Variants in RPAP1 observed in about 807,000 individuals in gnomAD.
RPAP1 encodes the protein RNA polymerase II associated protein 1, also known as RNA polymerase II-associated protein 1.
A neutral mutation model predicts 142.4 loss-of-function variants in RPAP1; 109 were observed. That is an observed-to-expected ratio of 0.77 (90% CI 0.66 to 0.90). RPAP1 has a LOEUF of 0.90. Among genes scored for constraint, RPAP1 ranks in the 40% least tolerant of loss-of-function variants. RPAP1 has a pLI of 0.00. For missense variants in RPAP1, 1,546 were observed against 1,751.7 expected (o/e 0.88, Z 2.10); for synonymous variants, 704 against 738.9 (o/e 0.95, Z 0.77).
At position 41,527,938 on chromosome 15, in the gene RPAP1, G is replaced by A. The variant is rs761643323; in HGVS notation, c.1350C>T (p.Ser450=). ...TGACCCCATCCACTCTGTCATCCAA[G>A]GAGAAGCGCAGTAGGAAGAGGAAAC... ...DAGFLFLLRF[S]LDDRVDGVIA... The change falls in exon 11 of 25, where the codon TCC becomes TCT. Residue 450 remains serine (S), a synonymous_variant. Coordinates refer to ENST00000304330, the MANE Select transcript of RPAP1 (RefSeq NM_015540.4). 1 of 1,614,118 alleles carries A rather than the reference G, an allele frequency of 6.2e-7. No individual in the cohort carries two copies. Among genetic ancestry groups the A allele is most frequent in the East Asian group, 2.2e-5 (1 of 44,874 alleles).
rs757866922 is a variant in RPAP1 at position 41,524,088 on chromosome 15, T to C, written c.2234+8A>G. ...CCACCTGTCCTGTGGGTCCTGGCTA[T>C]AAACTACCTGATGGTTTCAGCAGGG... is the stretch of plus-strand genomic sequence containing the variant. On this transcript the variant is annotated splice_region_variant and intron_variant, in intron 16 of 24. Coordinates refer to ENST00000304330, the MANE Select transcript of RPAP1 (RefSeq NM_015540.4). The C allele has an allele frequency of 6.3e-7, 1 of 1,589,986 alleles. No individual in the cohort carries two copies. The highest frequency in any genetic ancestry group is 1.1e-5 in the South Asian group (1 of 87,580).
At position 41,523,824 on chromosome 15, in the gene RPAP1, G is replaced by A. The variant is rs1164948651; in HGVS notation, c.2383C>T (p.Pro795Ser). The part of the protein sequence containing the change: ...PEMWRAVGPV[P>S]VACLLFLGAY... ...CCCAGGAACAACAGGCAGGCAACGGGCACTGGGCCCACGGCTCTCCACATC... is the reference window on the plus strand; with the variant it reads ...CCCAGGAACAACAGGCAGGCAACGGACACTGGGCCCACGGCTCTCCACATC... The change falls in exon 17 of 25, where the codon CCC becomes TCC. Residue 795 changes from proline to serine, a missense_variant. Pro to Ser is a moderately conservative substitution (Grantham distance 74). Transcript: ENST00000304330. 5 of 1,609,524 alleles carry A rather than the reference G, an allele frequency of 3.1e-6. No individual in the cohort carries two copies. The highest frequency in any genetic ancestry group is 2.2e-5 in the South Asian group (2 of 90,024).
chr15:41,520,777 G>A lies in RPAP1; in HGVS notation c.3409C>T (p.Leu1137=), dbSNP rs756302001. 2.5e-6 allele frequency: 4 copies of A among 1,613,794 alleles called. No homozygotes were observed. In the Admixed American group the frequency reaches 6.7e-5, roughly 27 times the overall value. Reference sequence around the variant, plus strand: ...TGGGGGCGCCAGCTCTCCAAAACTAGCACCCACTGCAGGACCCGCATGGCT... The same window carrying A: ...TGGGGGCGCCAGCTCTCCAAAACTAACACCCACTGCAGGACCCGCATGGCT... ...GTAMRVLQWV[L]VLESWRPQAL... The change falls in exon 22 of 25, where the codon CTA becomes TTA. Residue 1137 remains leucine, a synonymous_variant. Coordinates refer to ENST00000304330, the MANE Select transcript of RPAP1 (RefSeq NM_015540.4).
Position 41,529,993 on chromosome 15 carries a change from GCATGATAGTATTACCCAAA to G in RPAP1, c.944-33_944-15del. On this transcript the variant is annotated splice_polypyrimidine_tract_variant and intron_variant, in intron 7 of 24. Coordinates refer to ENST00000304330, the MANE Select transcript of RPAP1 (RefSeq NM_015540.4). ...GCAATGCCAGAGCTGGGGAGACAAA[GCATGATAGTATTACCCAAA>G]CGGCTCAGCTCACTATCCACAGGGG... 6.2e-7 allele frequency: 1 copy of G among 1,607,126 alleles called. No individual in the cohort carries two copies. The highest frequency in any genetic ancestry group is 8.5e-7 in the Non-Finnish European group (1 of 1,173,984).
Position 41,536,616 on chromosome 15 carries a change from G to A in RPAP1, c.215C>T (p.Ser72Phe), listed in dbSNP as rs1423678526. The change falls in exon 3 of 25, where the codon TCT (serine) becomes TTT (phenylalanine). Residue 72 changes from serine to phenylalanine, a missense_variant. By Grantham distance (155) the Ser-to-Phe change is radical (BLOSUM62 -2). Around this residue, in one of 3 missense-constraint regions of RPAP1, gnomAD observed 1,333 missense variants for 1,486.6 expected, o/e 0.90. Coordinates refer to ENST00000304330, the MANE Select transcript of RPAP1 (RefSeq NM_015540.4). ...GCTGGGCCTGGCTCTCTTTGGAGGA[G>A]AAGGGACCAAAGCTGGGGGCAAATC... ...LPDLPPALVP[S>F]PPKRARPSPG... is the part of the protein sequence containing the mutation. 3.1e-6 allele frequency: 5 copies of A among 1,614,090 alleles called. No individual in the cohort carries two copies. Among genetic ancestry groups the A allele is most frequent in the Non-Finnish European group, 4.2e-6 (5 of 1,180,030 alleles).
At position 41,518,036 on chromosome 15, in the gene RPAP1, G is replaced by A; in HGVS notation, c.3942C>T (p.Ser1314=). ...LYAVAVAHVN[S]FIFSQDPQSS... is the part of the protein sequence containing the mutation. ...TCTGTGGGTCCTGAGAGAAGATGAAGCTATTGACATGAGCCACAGCCACAG... is the reference window on the plus strand; with the variant it reads ...TCTGTGGGTCCTGAGAGAAGATGAAACTATTGACATGAGCCACAGCCACAG... Residue 1314 remains serine, a synonymous_variant, in exon 23 of 25, where the codon AGC becomes AGT. Transcript: ENST00000304330. 1 of 1,614,088 alleles carries A rather than the reference G, an allele frequency of 6.2e-7. No individual in the cohort carries two copies. The highest frequency in any genetic ancestry group is 8.5e-7 in the Non-Finnish European group (1 of 1,179,992).
rs750700270 is a variant in RPAP1, at chr15:41,520,946, C to T, written c.3240G>A (p.Glu1080=). The change falls in exon 22 of 25, where the codon GAG becomes GAA. Residue 1080 remains glutamate, a synonymous_variant. Transcript: ENST00000304330. ...LLASQALHRG[E]LQRVPTLLLP... ...GTAGCAGGGTTGGGACTCGCTGTAG[C>T]TCCCCTCGGTGCAGAGCCTGGGAGG... is the stretch of plus-strand genomic sequence containing the variant. 2.3e-5 allele frequency: 37 copies of T among 1,611,702 alleles called. No individual in the cohort carries two copies. The highest frequency in any genetic ancestry group is 3.1e-5 in the Non-Finnish European group (36 of 1,178,962).
chr15:41,524,329 C>T (rs1283289615), intron 15 of RPAP1, 75 bp from the exon 16 acceptor site: 2 of 1,328,738 alleles, frequency 1.5e-6, no homozygotes, highest in Non-Finnish European at 2.0e-6. Flanking sequence ...TGGCCCTGAC[C>T]CAGGGATCTG....
In RPAP1 at chr15:41,527,191, C is replaced by G. The variant is rs1408168101; in HGVS notation, c.1722G>C (p.Arg574=). Reference sequence around the variant, plus strand: ...CCCTTGTGGCTGATTCCAGGGAATGCCGGGCCAGGCGGATGAGCACAGCCA... The same window carrying G: ...CCCTTGTGGCTGATTCCAGGGAATGGCGGGCCAGGCGGATGAGCACAGCCA... ...DILAVLIRLA[R]HSLESATRVL... is the part of the protein sequence containing the mutation. The change falls in exon 13 of 25, where the codon CGG becomes CGC. Residue 574 remains arginine (R), a synonymous_variant. Transcript: ENST00000304330. 1.9e-6 allele frequency: 3 copies of G among 1,614,096 alleles called. No individual in the cohort carries two copies. In the South Asian group the frequency reaches 3.3e-5, roughly 18 times the overall value.
At chr15:41,537,826 T>G (rs1481126051) in intron 1 of RPAP1, among the ~76,000 whole-genome samples, 2 of 146,586 alleles carry the variant, frequency 1.4e-5, no homozygotes, top group Non-Finnish European at 3.0e-5. Context: ...GAGGTTGCTG[T>G]GAGCCGAGAT....
intron 6 of RPAP1, among the ~76,000 whole-genome samples, chr15:41,532,146 C>T (rs141514381): frequency 2.0e-4 from 31 of 151,704 alleles, no homozygotes; most frequent in East Asian, 1.6e-3. Flanking sequence ...CTCAGCCTCC[C>T]GAGTAGCTGG....
intron 6 of RPAP1, among the ~76,000 whole-genome samples, chr15:41,534,343 G>A (rs540087740): frequency 8.0e-5 from 12 of 150,772 alleles, no homozygotes; most frequent in African/African-American, 2.9e-4. Context: ...TCTTGAACCC[G>A]GGAGGCGGAG....
In RPAP1 at chr15:41,522,152, G is replaced by A. The variant is rs202021604; in HGVS notation, c.2841C>T (p.Ala947=). ...APHLTPFSAW[A]LRHEYHLQYL... is the part of the protein sequence containing the mutation. ...ACTGCAGGTGGTACTCATGGCGCAG[G>A]GCCCATGCAGAGAAAGGTGTGAGGT... The change falls in exon 20 of 25, where the codon GCC becomes GCT. Residue 947 remains alanine (A), a synonymous_variant. Transcript: ENST00000304330. The A allele has an allele frequency of 6.2e-7, 1 of 1,613,974 alleles. No homozygotes were observed. Among genetic ancestry groups the A allele is most frequent in the Admixed American group, 1.7e-5 (1 of 60,014 alleles).
In RPAP1 at chr15:41,536,112, A is replaced by C. The variant is rs1415465699; in HGVS notation, c.420+17T>G. Reference sequence around the variant, plus strand: ...CTGTCTGTCTCCTGAGCACCACCTAAGCTTACCCTTGCCTACCTGTGTGTC... The same window carrying C: ...CTGTCTGTCTCCTGAGCACCACCTACGCTTACCCTTGCCTACCTGTGTGTC... On this transcript the variant is annotated intron_variant, in intron 4 of 24. Coordinates refer to ENST00000304330, the MANE Select transcript of RPAP1 (RefSeq NM_015540.4). 6.2e-7 allele frequency: 1 copy of C among 1,607,968 alleles called. No individual in the cohort carries two copies. Among genetic ancestry groups the C allele is most frequent in the Admixed American group, 1.7e-5 (1 of 59,936 alleles).
At chr15:41,527,101 G>C in intron 13 of RPAP1, 33 bp from the exon 14 acceptor site, 1 of 1,612,384 alleles carries the variant, frequency 6.2e-7, no homozygotes, top group African/African-American at 1.3e-5. Context: ...GGGAGGAAGG[G>C]AGGCTGTGGG....
chr15:41,534,848 A>C lies in RPAP1; in HGVS notation c.629T>G (p.Val210Gly), dbSNP rs2051891657. Residue 210 changes from valine (V) to glycine (G), a missense_variant, in exon 6 of 25, where the codon GTC becomes GGC. This residue lies in a region of RPAP1 where 1,333 missense variants were observed against 1,486.6 expected (regional missense o/e 0.90). Coordinates refer to ENST00000304330, the MANE Select transcript of RPAP1 (RefSeq NM_015540.4). ...SSHSFQGPNL[V>G]TGKGLRDQEA... The stretch of plus-strand genomic sequence containing the variant: ...TTGATCCCTGAGCCCCTTCCCTGTG[A>C]CCAGATTGGGTCCCTGAAAGCTGTG... The C allele has an allele frequency of 1.2e-6, 2 of 1,614,014 alleles. No homozygotes were observed. Among genetic ancestry groups the C allele is most frequent in the Non-Finnish European group, 1.7e-6 (2 of 1,180,038 alleles).
chr15:41,529,322 GA>G (rs1306217958), intron 9 of RPAP1, 147 bp downstream of exon 9: 10 of 615,030 alleles, frequency 1.6e-5, no homozygotes, highest in Non-Finnish European at 2.6e-5. Flanking sequence ...GCCAGAGCGA[GA>G]TTCTGTCTCC....
chr15:41,521,025 C>T lies in RPAP1; in HGVS notation c.3161G>A (p.Ser1054Asn), dbSNP rs1167449465. 3 of 1,600,502 alleles carry T rather than the reference C, an allele frequency of 1.9e-6. No homozygotes were observed. The highest frequency in any genetic ancestry group is 2.6e-6 in the Non-Finnish European group (3 of 1,173,326). ...ATGAGTCAGGTAGCAGTTGCGGATG[C>T]TGGGGAGGTCCTGGCAGGCCTGAGC... ...LLAQACQDLP[S>N]IRNCYLTHCS... is the part of the protein sequence containing the mutation. Residue 1054 changes from serine to asparagine, a missense_variant, in exon 22 of 25, where the codon AGC (serine) becomes AAC (asparagine). Ser to Asn is a conservative substitution (Grantham distance 46). Transcript: ENST00000304330.
At position 41,540,087 on chromosome 15, in the gene RPAP1, A is replaced by T. The variant is rs1345833105; in HGVS notation, c.-76-2886T>A. Among the ~76,000 whole-genome samples the T allele has an allele frequency of 2.0e-5, 3 of 152,090 alleles. No homozygotes were observed. In the East Asian group the frequency reaches 5.8e-4, roughly 29 times the overall value. On this transcript the variant is annotated intron_variant, in intron 1 of 24. Coordinates refer to ENST00000304330, the MANE Select transcript of RPAP1 (RefSeq NM_015540.4). The stretch of plus-strand genomic sequence containing the variant: ...TGACTTCTGTGGTATATAAACTATA[A>T]ATCAATTATAAAACAAAAAACGCTG...
Sources: allele counts gnomAD v4.1 joint callset (sites outside exome capture counted in the v4.1 genomes callset), GRCh38; gene constraint gnomAD v4.1.1; regional missense constraint gnomAD v4.1.1; transcripts MANE v1.5; gene names NCBI Gene and HGNC (gene_info 2026-07-23, HGNC 2026-07-21).